Variants in PARP9 observed in about 807,000 individuals in gnomAD.
PARP9 encodes the protein poly(ADP-ribose) polymerase family member 9.
In PARP9, 48 loss-of-function variants were observed where a neutral mutation model predicts 68.8. The ratio of observed to expected loss-of-function variants is 0.70; its 90% CI spans 0.55 to 0.89. PARP9 has a LOEUF of 0.89. Among genes scored for constraint, PARP9 ranks in the 40% least tolerant of loss-of-function variants. The probability of loss-of-function intolerance (pLI) is 0.00; values close to 1 mark genes in which losing one functional copy is unlikely to be tolerated. For synonymous variants in PARP9, 309 were observed against 333.8 expected (o/e 0.93, Z 0.81); for missense variants, 806 against 969.3 (o/e 0.83, Z 2.24).
Position 122,528,352 on chromosome 3 carries a change from A to G in PARP9, c.*12T>C, listed in dbSNP as rs2077073011. The stretch of plus-strand genomic sequence containing the variant: ...AGGTAAGGCCATACCAGCTGTTAAA[A>G]TGATGTAGAGATTAATCAACAGGGC... On this transcript the variant is annotated 3_prime_UTR_variant, in exon 11 of 11. Coordinates refer to ENST00000682323, the MANE Select transcript of PARP9 (RefSeq NM_001146105.2). 2.5e-6 allele frequency: 4 copies of G among 1,605,680 alleles called. No individual in the cohort carries two copies. The highest frequency in any genetic ancestry group is 3.4e-6 in the Non-Finnish European group (4 of 1,175,174).
At chr3:122,563,325 G>C (rs561289452) in intron 1 of PARP9, among the ~76,000 whole-genome samples, 44 of 152,238 alleles carry the variant, frequency 2.9e-4, no homozygotes, top group Admixed American at 2.5e-3. Flanking sequence ...TGTGATGTAA[G>C]TATAAGAAAA....
chr3:122,560,942 G>T (rs1213797754), intron 1 of PARP9, among the ~76,000 whole-genome samples: 3 of 152,168 alleles, frequency 2.0e-5, no homozygotes, highest in Admixed American at 1.3e-4. Flanking sequence ...AAGTTTTACA[G>T]GCCTATGGAT....
chr3:122,540,940 G>C (rs2078172806), intron 7 of PARP9, 88 bp from the exon 8 acceptor site: 1 of 1,391,936 alleles, frequency 7.2e-7, no homozygotes, highest in Non-Finnish European at 9.7e-7. Context: ...TCACAAGCTG[G>C]AGTGCAGTGC....
At chr3:122,534,895 TA>T in intron 10 of PARP9, 1 of 955,638 alleles carries the variant, frequency 1.0e-6, no homozygotes, top group Non-Finnish European at 1.2e-6. Context: ...AATAAATAAA[TA>T]AAGAGAGAAC....
rs2077070836 is a variant in PARP9 at position 122,528,294 on chromosome 3, C to G, written c.*70G>C. The G allele has an allele frequency of 6.5e-7, 1 of 1,540,860 alleles. No homozygotes were observed. Among genetic ancestry groups the G allele is most frequent in the Non-Finnish European group, 8.8e-7 (1 of 1,139,050 alleles). Reference sequence around the variant, plus strand: ...GGATATATTCAAGCCACTCTTTGAGCCATCGATGGTCATTATTTGGTTAGT... The same window carrying G: ...GGATATATTCAAGCCACTCTTTGAGGCATCGATGGTCATTATTTGGTTAGT... On this transcript the variant is annotated 3_prime_UTR_variant, in exon 11 of 11. Transcript: ENST00000682323.
In PARP9 at chr3:122,555,592, A is replaced by G. The variant is rs893213118; in HGVS notation, c.579T>C (p.Asn193=). The G allele has an allele frequency of 1.2e-6, 2 of 1,614,058 alleles. No individual in the cohort carries two copies. The highest frequency in any genetic ancestry group is 1.3e-5 in the African/African-American group (1 of 74,918). ...VSILNYVIYK[N]THIKTVAIPA... is the part of the protein sequence containing the mutation. ...GAATTGCTACTGTCTTAATGTGAGT[A>G]TTTTTATAGATGACATAATTCAGAA... is the stretch of plus-strand genomic sequence containing the variant. Residue 193 remains asparagine (N), a synonymous_variant, in exon 4 of 11, where the codon AAT becomes AAC. Coordinates refer to ENST00000682323, the MANE Select transcript of PARP9 (RefSeq NM_001146105.2).
chr3:122,550,990 A>G (rs2079154473), intron 5 of PARP9, among the ~76,000 whole-genome samples, 188 bp from the exon 6 acceptor site: 1 of 152,168 alleles, frequency 6.6e-6, no homozygotes, highest in Non-Finnish European at 1.5e-5. Context: ...TTAGATGGTG[A>G]GAAACTGAAG....
chr3:122,556,555 G>A (rs980062106), intron 3 of PARP9, among the ~76,000 whole-genome samples: 1 of 152,106 alleles, frequency 6.6e-6, no homozygotes, highest in Non-Finnish European at 1.5e-5. Context: ...TAACTTTTTT[G>A]CCTTTGTCAG....
intron 10 of PARP9, chr3:122,535,556 T>C: frequency 1.0e-6 from 1 of 985,380 alleles, no homozygotes; most frequent in Non-Finnish European, 1.2e-6. Flanking sequence ...TCTTCATTAG[T>C]GACTGAGGAG....
chr3:122,532,201 T>A, intron 10 of PARP9: 1 of 985,316 alleles, frequency 1.0e-6, no homozygotes, highest in Non-Finnish European at 1.2e-6. Context: ...ATGAACATGC[T>A]CAAAAATTTC....
chr3:122,534,278 C>G lies in PARP9; in HGVS notation c.2080+1890G>C, dbSNP rs917665607. On this transcript the variant is annotated intron_variant, in intron 10 of 10. Coordinates refer to ENST00000682323, the MANE Select transcript of PARP9 (RefSeq NM_001146105.2). The stretch of plus-strand genomic sequence containing the variant: ...GAAACCACAAGCCTGGTTGCAACAG[C>G]CTGAGCACATTCTAGCCTGTGAGAA... The G allele has an allele frequency of 3.1e-6, 3 of 963,974 alleles. No homozygotes were observed. The African/African-American group carries it at 5.3e-5, about 17-fold the overall frequency. 59.7% of individuals were successfully genotyped at this position (963,974 alleles called of 1,614,324 possible).
At chr3:122,553,049 G>A (rs1198711468) in intron 4 of PARP9, among the ~76,000 whole-genome samples, 3 of 152,014 alleles carry the variant, frequency 2.0e-5, no homozygotes, top group Non-Finnish European at 4.4e-5. Context: ...TTTTAAATAG[G>A]AAATAAAATT....
chr3:122,535,997 T>C (rs1178009960), intron 10 of PARP9, 171 bp downstream of exon 10: 3 of 1,507,126 alleles, frequency 2.0e-6, no homozygotes, highest in African/African-American at 2.8e-5. Context: ...AAGTAAAAAA[T>C]ACCACTCTTT....
chr3:122,538,373 T>A (rs754674196), intron 8 of PARP9, among the ~76,000 whole-genome samples: 1 of 152,230 alleles, frequency 6.6e-6, no homozygotes, highest in African/African-American at 2.4e-5. Context: ...AGAGAGGCCA[T>A]GCCTAACTTT....
intron 10 of PARP9, chr3:122,533,906 G>A (rs2077467580): frequency 1.0e-6 from 1 of 985,486 alleles, no homozygotes; most frequent in Non-Finnish European, 1.2e-6. Context: ...GGCTGAAAAA[G>A]CTAAGAGCTT....
upstream of PARP9, chr3:122,564,467 G>C: frequency 1.2e-6 from 2 of 1,612,462 alleles, no homozygotes; most frequent in Non-Finnish European, 1.7e-6. Flanking sequence ...CTCCTCGTGC[G>C]GGTGTACAAG....
chr3:122,555,708 A>C lies in PARP9; in HGVS notation c.463T>G (p.Cys155Gly). Reference sequence around the variant, plus strand: ...CCAACAGCATGGATGATCTGTTTGCAGGGAAGCCTCCCTGCTCCCGTGACA... The same window carrying C: ...CCAACAGCATGGATGATCTGTTTGCCGGGAAGCCTCCCTGCTCCCGTGACA... ...IAVTGAGRLP[C>G]KQIIHAVGPR... Residue 155 changes from cysteine to glycine, a missense_variant, in exon 4 of 11, where the codon TGC becomes GGC. By Grantham distance (159) the Cys-to-Gly change is radical. Transcript: ENST00000682323. 6.2e-7 allele frequency: 1 copy of C among 1,613,916 alleles called. No homozygotes were observed.
chr3:122,560,376 T>G (rs562418521), intron 1 of PARP9, among the ~76,000 whole-genome samples: 1 of 138,642 alleles, frequency 7.2e-6, no homozygotes, highest in East Asian at 1.9e-4. Flanking sequence ...AATGATTTCT[T>G]TGTTTGTTTT....
chr3:122,540,507 G>T lies in PARP9; in HGVS notation c.1730C>A (p.Ala577Glu). The change falls in exon 8 of 11, where the codon GCA becomes GAA. Residue 577 changes from alanine to glutamate, a missense_variant. Coordinates refer to ENST00000682323, the MANE Select transcript of PARP9 (RefSeq NM_001146105.2). ...DMLCKVQEEM[A>E]RKKERGLWRS... is the part of the protein sequence containing the mutation. ...CCAAAGGCCTCGCTCCTTTTTCCTT[G>T]CCATTTCCTCCTGTACTTTACAAAG... The T allele has an allele frequency of 6.2e-7, 1 of 1,613,238 alleles. No individual in the cohort carries two copies. The highest frequency in any genetic ancestry group is 1.7e-5 in the Admixed American group (1 of 59,796).
Sources: gnomAD v4.1 joint callset for allele counts (sites outside exome capture counted in the v4.1 genomes callset) on GRCh38, gnomAD v4.1.1 for gene constraint, MANE v1.5 for transcripts, NCBI Gene and HGNC (gene_info 2026-07-23, HGNC 2026-07-21) for gene names.